ANGPT1: variants seen among roughly 807,000 people sequenced by gnomAD.
ANGPT1 encodes the protein angiopoietin 1.
A neutral mutation model predicts 62.2 loss-of-function variants in ANGPT1; 17 were observed. The observed-to-expected ratio is 0.27, with a 90% CI of 0.19 to 0.41. The LOEUF is 0.41. ANGPT1 is among the 10% of genes least tolerant of loss of function. The probability of loss-of-function intolerance (pLI) is 1.00; values close to 1 mark genes in which losing one functional copy is unlikely to be tolerated. For synonymous variants in ANGPT1, 199 were observed against 198.9 expected, an observed-to-expected ratio of 1.00 and a Z score of 0.00; for missense variants, 478 against 594.9, an observed-to-expected ratio of 0.80 and a Z score of 2.04.
intron 2 of ANGPT1, 129 bp downstream of exon 2, chr8:107,346,813 A>T: frequency 1.2e-6 from 1 of 817,802 alleles, no homozygotes; most frequent in Non-Finnish European, 1.8e-6. Context: ...CATTGTTGTT[A>T]TTACCAATAA....
intron 1 of ANGPT1, among the ~76,000 whole-genome samples, chr8:107,491,927 C>A (rs1260886494): frequency 6.6e-6 from 1 of 152,082 alleles, no homozygotes; most frequent in East Asian, 1.9e-4. Context: ...ACTGTAATTG[C>A]CCATAGAAAC....
rs1017242216 is a variant in ANGPT1 at position 107,296,080 on chromosome 8, T to C, written c.937-2043A>G. Among the ~76,000 whole-genome samples the C allele has an allele frequency of 4.6e-5, 7 of 152,254 alleles. No homozygotes were observed. The East Asian group carries it at 1.4e-3, about 29-fold the overall frequency. ...AGAATTGAATCCTATGTCTACCTAA[T>C]TGAAAATTATTGGGAATAATCTGCT... On this transcript the variant is annotated intron_variant, in intron 5 of 8. Coordinates refer to ENST00000517746, the MANE Select transcript of ANGPT1 (RefSeq NM_001146.5).
chr8:107,287,477 A>G (rs1814170387), intron 6 of ANGPT1, among the ~76,000 whole-genome samples: 1 of 152,224 alleles, frequency 6.6e-6, no homozygotes, highest in South Asian at 2.1e-4. Flanking sequence ...AAAACTGTCC[A>G]AGCATGCTCT....
chr8:107,446,602 T>C (rs1811628980), intron 1 of ANGPT1, among the ~76,000 whole-genome samples: 1 of 152,164 alleles, frequency 6.6e-6, no homozygotes. Flanking sequence ...CTATATTACA[T>C]TTGTATTTTG....
intron 2 of ANGPT1, among the ~76,000 whole-genome samples, chr8:107,345,379 A>T (rs1039588324): frequency 1.3e-5 from 2 of 152,174 alleles, no homozygotes; most frequent in African/African-American, 2.4e-5. Context: ...CATAGCACGC[A>T]TCTTAACAGT....
At chr8:107,458,491 A>G (rs1306628610) in intron 1 of ANGPT1, among the ~76,000 whole-genome samples, 1 of 152,182 alleles carries the variant, frequency 6.6e-6, no homozygotes, top group Admixed American at 6.5e-5. Context: ...ATATTTTCTA[A>G]ACTAAAACAA....
intron 2 of ANGPT1, among the ~76,000 whole-genome samples, chr8:107,344,494 C>G (rs1006309862): frequency 6.6e-6 from 1 of 152,212 alleles, no homozygotes; most frequent in African/African-American, 2.4e-5. Context: ...TTACTGGTAT[C>G]TTTCCTGATC....
intron 1 of ANGPT1, among the ~76,000 whole-genome samples, chr8:107,385,108 G>T (rs1406216690): frequency 6.6e-6 from 1 of 151,972 alleles, no homozygotes; most frequent in African/African-American, 2.4e-5. Context: ...GCTCTTTCTT[G>T]GTTCCAATTG....
intron 1 of ANGPT1, among the ~76,000 whole-genome samples, chr8:107,462,119 C>T (rs1812086695): frequency 6.6e-6 from 1 of 151,890 alleles, no homozygotes; most frequent in South Asian, 2.1e-4. Flanking sequence ...AGTTCATTTT[C>T]TTGGAAGTTA....
At chr8:107,427,203 T>C (rs1811063314) in intron 1 of ANGPT1, among the ~76,000 whole-genome samples, 1 of 152,140 alleles carries the variant, frequency 6.6e-6, no homozygotes, top group African/African-American at 2.4e-5. Context: ...AATAATACTC[T>C]TAAAGCTAAA....
intron 1 of ANGPT1, among the ~76,000 whole-genome samples, chr8:107,431,060 A>C (rs1811172339): frequency 6.6e-6 from 1 of 152,188 alleles, no homozygotes; most frequent in Non-Finnish European, 1.5e-5. Flanking sequence ...TTAACCTCTC[A>C]AAACCTCACT....
At chr8:107,451,669 A>G (rs1811781823) in intron 1 of ANGPT1, among the ~76,000 whole-genome samples, 1 of 151,992 alleles carries the variant, frequency 6.6e-6, no homozygotes. Flanking sequence ...ACTGGGGCAT[A>G]GAATGGGAAA....
chr8:107,492,373 T>C (rs1207129940), intron 1 of ANGPT1, among the ~76,000 whole-genome samples: 1 of 152,196 alleles, frequency 6.6e-6, no homozygotes, highest in East Asian at 1.9e-4. Context: ...TCCCGCTCTG[T>C]CATTCAGGCT....
At chr8:107,467,169 G>A (rs1278182308) in intron 1 of ANGPT1, among the ~76,000 whole-genome samples, 1 of 151,794 alleles carries the variant, frequency 6.6e-6, no homozygotes, top group East Asian at 1.9e-4. Context: ...CCAAACACAA[G>A]GAAATGATAA....
At chr8:107,377,333 T>A (rs1425282455) in intron 1 of ANGPT1, among the ~76,000 whole-genome samples, 1 of 152,136 alleles carries the variant, frequency 6.6e-6, no homozygotes, top group Non-Finnish European at 1.5e-5. Context: ...CCGAATTTCC[T>A]CCCCAGATGC....
chr8:107,258,581 A>G (rs1016869010), intron 8 of ANGPT1, among the ~76,000 whole-genome samples: 6 of 152,212 alleles, frequency 3.9e-5, no homozygotes, highest in Admixed American at 6.5e-5. Context: ...AACTTATAAA[A>G]GACATTTTCT....
At chr8:107,362,522 G>T (rs1816186959) in intron 1 of ANGPT1, among the ~76,000 whole-genome samples, 1 of 152,168 alleles carries the variant, frequency 6.6e-6, no homozygotes, top group African/African-American at 2.4e-5. Flanking sequence ...CCCACCCAGG[G>T]CTGGCTGTTC....
rs971578265 is a variant in ANGPT1, at chr8:107,455,932, C to G, written c.297+41330G>C. On this transcript the variant is annotated intron_variant, in intron 1 of 8. Transcript: ENST00000517746. The stretch of plus-strand genomic sequence containing the variant: ...ACACAACTTGGGGATTGGAATGAAG[C>G]CACAAAAAGCATGTTTTTATAAGGA... Among the ~76,000 whole-genome samples the G allele has an allele frequency of 3.9e-5, 6 of 151,928 alleles. No individual in the cohort carries two copies. In the South Asian group the frequency reaches 1.2e-3, roughly 31 times the overall value.
In ANGPT1 at chr8:107,370,340, AAAAGAAAGAAAGAAAGAAAG is replaced by A. The variant is rs71308727; in HGVS notation, c.298-23263_298-23244del. On this transcript the variant is annotated intron_variant, in intron 1 of 8. Coordinates refer to ENST00000517746, the MANE Select transcript of ANGPT1 (RefSeq NM_001146.5). ...GAAGGAAAGAGAAAGGAAAGAAAGA[AAAAGAAAGAAAGAAAGAAAG>A]AAAGAAAGAAAGAAAGAAAGAAAGA... Among the ~76,000 whole-genome samples the A allele has an allele frequency of 2.6e-3, 142 of 54,430 alleles. 17 individuals are homozygous for A. Among genetic ancestry groups the A allele is most frequent in the East Asian group, 0.013 (16 of 1,278 alleles). 35.7% of individuals were successfully genotyped at this position (54,430 alleles called of 152,430 possible).
Sources: allele counts gnomAD v4.1 joint callset (sites outside exome capture counted in the v4.1 genomes callset), GRCh38; gene constraint gnomAD v4.1.1; transcripts MANE v1.5; gene names NCBI Gene and HGNC (gene_info 2026-07-23, HGNC 2026-07-21).